Variants in FOXN3 observed in about 807,000 individuals in gnomAD.
FOXN3 encodes forkhead box protein N3.
FOXN3 carries 7 observed loss-of-function variants against 38.4 expected under a neutral mutation model. That is an observed-to-expected ratio of 0.18 (90% CI 0.10 to 0.34). The LOEUF is 0.34. Among genes scored for constraint, FOXN3 ranks in the 10% least tolerant of loss-of-function variants. The pLI is 1.00. For missense variants in FOXN3, 456 were observed against 613.4 expected, an observed-to-expected ratio of 0.74 and a Z score of 2.71; for synonymous variants, 230 against 242.2, an observed-to-expected ratio of 0.95 and a Z score of 0.47.
At chr14:89,481,596 C>A (rs1893331501) in intron 1 of FOXN3, among the ~76,000 whole-genome samples, 1 of 152,126 alleles carries the variant, frequency 6.6e-6, no homozygotes, top group African/African-American at 2.4e-5. Flanking sequence ...AACACAGATT[C>A]CAATAGTCAG....
chr14:89,259,581 T>A (rs1885733942), intron 4 of FOXN3, among the ~76,000 whole-genome samples: 1 of 152,222 alleles, frequency 6.6e-6, no homozygotes, highest in Admixed American at 6.5e-5. Context: ...AGATAAAAAA[T>A]AAAACCTCTA....
At chr14:89,599,037 A>G (rs1896108554) in intron 1 of FOXN3, among the ~76,000 whole-genome samples, 2 of 152,074 alleles carry the variant, frequency 1.3e-5, no homozygotes, top group South Asian at 4.1e-4. Context: ...AGTTACACAT[A>G]TATTAGGCCT....
intron 3 of FOXN3, among the ~76,000 whole-genome samples, chr14:89,322,611 GA>G (rs1365935681): frequency 6.6e-6 from 1 of 152,204 alleles, no homozygotes; most frequent in African/African-American, 2.4e-5. Flanking sequence ...GTAAGGCTGA[GA>G]AGGGGACCGG....
Position 89,412,139 on chromosome 14 carries a change from C to G in FOXN3, c.338G>C (p.Cys113Ser). 1 of 1,609,866 alleles carries G rather than the reference C, an allele frequency of 6.2e-7. No homozygotes were observed. The change falls in exon 2 of 6, where the codon TGC (cysteine) becomes TCC (serine). Residue 113 changes from cysteine (C) to serine (S), a missense_variant. Physicochemically the swap from Cys to Ser is moderately radical, Grantham distance 112 (BLOSUM62 -1). Around this residue, in one of 3 missense-constraint regions of FOXN3, gnomAD observed 386 missense variants for 505.2 expected, o/e 0.76. Transcript: ENST00000557258. This position sits in a 1 kb window ranked among gnomAD's most constrained non-coding sequence, Gnocchi z 4.7. ...MPYDARQNPN[C>S]KPPYSFSCLI... ...GCAGCTGAAGGAGTAGGGGGGTTTG[C>G]AGTTGGGGTTCTGCCTGGCATCGTA...
In FOXN3 at chr14:89,611,889, G is replaced by A. The variant is rs976771406; in HGVS notation, c.-15+7139C>T. On this transcript the variant is annotated intron_variant, in intron 1 of 6. Coordinates refer to the FOXN3 transcript ENST00000345097. ...ACTAATGGTCAGATGTGAGAACACA[G>A]AATGTGAAGAAGCAAAATCCTATTT... Among the ~76,000 whole-genome samples, 8 of 151,452 alleles carry A rather than the reference G, an allele frequency of 5.3e-5. No individual in the cohort carries two copies. In the South Asian group the frequency reaches 1.7e-3, roughly 32 times the overall value.
intron 1 of FOXN3, among the ~76,000 whole-genome samples, chr14:89,560,334 G>T (rs957680992): frequency 6.6e-6 from 1 of 152,124 alleles, no homozygotes; most frequent in Admixed American, 6.6e-5. Context: ...ATGAACACAG[G>T]CAAGGGACTG....
chr14:89,503,015 T>C (rs10133474), intron 1 of FOXN3, among the ~76,000 whole-genome samples: 4,263 of 152,218 alleles, frequency 0.028, 210 homozygotes, highest in African/African-American at 0.097. Context: ...ACAAAAGCAT[T>C]GAATGGCACC....
chr14:89,201,133 T>C lies in FOXN3; in HGVS notation c.746-20327A>G, dbSNP rs116905094. On this transcript the variant is annotated intron_variant, in intron 4 of 5. Transcript: ENST00000557258. The stretch of plus-strand genomic sequence containing the variant: ...TTTTTAAATTTTTTAAAGCTCCCTA[T>C]AGATGAATGAGAAACTACACATTCC... 5.9e-5 allele frequency among the ~76,000 whole-genome samples: 9 copies of C among 152,342 alleles called. No individual in the cohort carries two copies. The East Asian group carries it at 7.7e-4, about 13-fold the overall frequency.
At chr14:89,513,636 C>T (rs566341490) in intron 1 of FOXN3, among the ~76,000 whole-genome samples, 2 of 151,928 alleles carry the variant, frequency 1.3e-5, no homozygotes, top group African/African-American at 4.8e-5. Flanking sequence ...CTCTTGTTGC[C>T]CAGGCTGGAG....
intron 3 of FOXN3, among the ~76,000 whole-genome samples, chr14:89,298,933 G>C (rs1461966819): frequency 4.0e-5 from 6 of 151,448 alleles, no homozygotes. Flanking sequence ...TCTTCTATGA[G>C]GCCCATGCCC....
At chr14:89,410,912 AG>A (rs147740683) in intron 2 of FOXN3, among the ~76,000 whole-genome samples, 21 of 151,562 alleles carry the variant, frequency 1.4e-4, no homozygotes, top group Admixed American at 3.3e-4. Context: ...GAAAAAAGAA[AG>A]AAAAAGAAAG....
At chr14:89,415,847 T>TACACACACACACACAC (rs5810462) in intron 1 of FOXN3, among the ~76,000 whole-genome samples, 3,052 of 140,382 alleles carry the variant, frequency 0.022, 59 homozygotes, top group East Asian at 0.034. Flanking sequence ...AACTTTTCTC[T>TACACACACACACACAC]ACACACACAC....
intron 3 of FOXN3, among the ~76,000 whole-genome samples, chr14:89,307,011 GAC>G (rs1157534254): frequency 6.6e-6 from 1 of 152,192 alleles, no homozygotes; most frequent in African/African-American, 2.4e-5. Context: ...TGAAGTGGAA[GAC>G]AGAGTAGTGA....
At chr14:89,227,340 G>A (rs1884671487) in intron 4 of FOXN3, among the ~76,000 whole-genome samples, 1 of 152,192 alleles carries the variant, frequency 6.6e-6, no homozygotes, top group Non-Finnish European at 1.5e-5. Context: ...CATGTTCACA[G>A]CGGATCTCCT....
chr14:89,297,416 C>T (rs61983113), intron 3 of FOXN3, among the ~76,000 whole-genome samples: 49 of 152,034 alleles, frequency 3.2e-4, no homozygotes, highest in Admixed American at 6.5e-4. Context: ...AAAAATTAGC[C>T]GGGCGTGGTG....
rs184924106 is a variant in FOXN3, at chr14:89,262,968, C to T, written c.745+17982G>A. Among the ~76,000 whole-genome samples the T allele has an allele frequency of 4.1e-4, 62 of 152,224 alleles. 1 individual carries two copies. The highest frequency in any genetic ancestry group is 1.3e-3 in the African/African-American group (55 of 41,530). On this transcript the variant is annotated intron_variant, in intron 4 of 5. Coordinates refer to ENST00000557258, the MANE Select transcript of FOXN3 (RefSeq NM_005197.4). The stretch of plus-strand genomic sequence containing the variant: ...TACTGGTATAATTATATATGTTTCC[C>T]GACTAAAAAGATCTTGGCTATCCCA...
chr14:89,279,687 A>G (rs1596149763), intron 4 of FOXN3, among the ~76,000 whole-genome samples: 1 of 152,182 alleles, frequency 6.6e-6, no homozygotes, highest in East Asian at 1.9e-4. Flanking sequence ...TTTCTTAAAC[A>G]TTTAGGATAT....
chr14:89,325,365 C>T (rs1319512395), intron 3 of FOXN3, among the ~76,000 whole-genome samples: 2 of 149,480 alleles, frequency 1.3e-5, no homozygotes, highest in Non-Finnish European at 3.0e-5. Context: ...CCACCACTAC[C>T]ACCACCGCCA....
Position 89,475,393 on chromosome 14 carries a change from C to T in FOXN3, c.-14-62903G>A, listed in dbSNP as rs921724123. 3.3e-5 allele frequency among the ~76,000 whole-genome samples: 5 copies of T among 152,236 alleles called. No homozygotes were observed. The South Asian group carries it at 6.2e-4, about 19-fold the overall frequency. On this transcript the variant is annotated intron_variant, in intron 1 of 6. Transcript: ENST00000345097. ...CATCACTGCTAGGAGCAGTGGCTCA[C>T]GCCTGTATTTCCAGCACATTGGGAG...
Sources: allele counts gnomAD v4.1 joint callset (sites outside exome capture counted in the v4.1 genomes callset), GRCh38; gene constraint gnomAD v4.1.1; regional missense constraint gnomAD v4.1.1; non-coding constraint Gnocchi (gnomAD v3.1); transcripts MANE v1.5; gene names NCBI Gene and HGNC (gene_info 2026-07-23, HGNC 2026-07-21).